The following CD83 variants were observed in gnomAD, a reference collection of about 807,000 sequenced individuals.
CD83 encodes the protein CD83 molecule, also known as CD83 antigen.
A neutral mutation model predicts 24.6 loss-of-function variants in CD83; 22 were observed. The ratio of observed to expected loss-of-function variants is 0.90; its 90% CI spans 0.64 to 1.28. The LOEUF (loss-of-function observed/expected upper bound fraction) is 1.28, where lower values mean the gene tolerates loss of function less well. Ranked by LOEUF, CD83 falls within the 50% of genes most tolerant of loss-of-function variation. The pLI is 0.00. For missense variants in CD83, 253 were observed against 252.8 expected, an observed-to-expected ratio of 1.00 and a Z score of -0.01; for synonymous variants, 101 against 103.5, an observed-to-expected ratio of 0.98 and a Z score of 0.14.
At chr6:14,131,978 G>T (rs544961888) in intron 3 of CD83, among the ~76,000 whole-genome samples, 1 of 152,308 alleles carries the variant, frequency 6.6e-6, no homozygotes, top group South Asian at 2.1e-4. Context: ...GGGTGGAAAT[G>T]ATAAAAATGT....
intron 2 of CD83, among the ~76,000 whole-genome samples, chr6:14,128,847 A>G (rs1224201082): frequency 1.3e-5 from 2 of 152,172 alleles, no homozygotes; most frequent in East Asian, 3.8e-4. Context: ...CGTCAAATAA[A>G]TTTTATTGGT....
In CD83 at chr6:14,129,230, G is replaced by C. The variant is rs142735263; in HGVS notation, c.154-2290G>C. On this transcript the variant is annotated intron_variant, in intron 2 of 4. Transcript: ENST00000379153. This position sits in a 1 kb window ranked among gnomAD's most constrained non-coding sequence, Gnocchi z 4.3. ...GAATGGGGACTGCAGGGACTGGGCC[G>C]AGCTAATTATTTCAAACTGGCCTTT... Among the ~76,000 whole-genome samples, 147 of 152,312 alleles carry C rather than the reference G, an allele frequency of 9.7e-4. No individual in the cohort carries two copies. Among genetic ancestry groups the C allele is most frequent in the African/African-American group, 3.2e-3 (131 of 41,582 alleles).
intron 2 of CD83, among the ~76,000 whole-genome samples, chr6:14,126,486 G>A (rs1759818047): frequency 6.6e-6 from 1 of 152,102 alleles, no homozygotes; most frequent in South Asian, 2.1e-4. Flanking sequence ...GGAGGGCTGG[G>A]GTTTGGTTCC....
At chr6:14,124,842 CT>C (rs1320947663) in intron 2 of CD83, among the ~76,000 whole-genome samples, 3 of 152,088 alleles carry the variant, frequency 2.0e-5, no homozygotes, top group African/African-American at 4.8e-5. Flanking sequence ...ATTTCTGATG[CT>C]TGTGATTGTG....
chr6:14,123,437 A>C (rs1361358522), intron 2 of CD83, among the ~76,000 whole-genome samples: 1 of 152,236 alleles, frequency 6.6e-6, no homozygotes, highest in African/African-American at 2.4e-5. Context: ...GGCATAATGC[A>C]AAATATGCCT....
rs1758052899 is a variant in CD83 at position 14,136,424 on chromosome 6, C to T, written c.*1188C>T. 6.6e-6 allele frequency: 1 copy of T among 152,228 alleles called. No homozygotes were observed. Among genetic ancestry groups the T allele is most frequent in the African/African-American group, 2.4e-5 (1 of 41,452 alleles). The allele number at this position is 152,228 out of a possible 1,614,324, so 9.4% of individuals were successfully genotyped here. A position where few individuals can be genotyped will look rare whatever the true frequency, so the allele number is the denominator to read the frequency against. On this transcript the variant is annotated 3_prime_UTR_variant, in exon 5 of 5. Transcript: ENST00000379153. ...GTCTGTTCTTGAAGCAGTAGCCTAA[C>T]ACACTCCAAGATATGGACACACGGG...
chr6:14,121,288 G>A (rs1759662810), intron 2 of CD83, among the ~76,000 whole-genome samples: 1 of 151,828 alleles, frequency 6.6e-6, no homozygotes, highest in African/African-American at 2.4e-5. Context: ...TCCCACCTCA[G>A]CCTCCCAAGT....
chr6:14,133,913 C>G (rs1387565262), intron 4 of CD83, among the ~76,000 whole-genome samples, 158 bp downstream of exon 4: 1 of 152,104 alleles, frequency 6.6e-6, no homozygotes, highest in South Asian at 2.1e-4. Flanking sequence ...AGAATCATTA[C>G]AGGAAGCTCC....
chr6:14,123,340 C>T (rs576604487), intron 2 of CD83, among the ~76,000 whole-genome samples: 16 of 152,220 alleles, frequency 1.1e-4, no homozygotes, highest in Admixed American at 1.0e-3. Flanking sequence ...CTCAGGTGAT[C>T]CACCTGCCTC....
chr6:14,131,120 A>G (rs1186694011), intron 2 of CD83, among the ~76,000 whole-genome samples: 1 of 152,224 alleles, frequency 6.6e-6, no homozygotes, highest in Non-Finnish European at 1.5e-5. Flanking sequence ...AAAAATAGGA[A>G]TCATTCAGTG....
upstream of CD83, chr6:14,117,509 C>G (rs1182206917): frequency 6.6e-6 from 1 of 150,748 alleles, no homozygotes; most frequent in Non-Finnish European, 1.5e-5. This position sits in a 1 kb window ranked among gnomAD's most constrained non-coding sequence, Gnocchi z 4.6. Context: ...CGCTGCCAGC[C>G]GCAGCAGCGA....
At position 14,129,033 on chromosome 6, in the gene CD83, A is replaced by G. The variant is rs1158388481; in HGVS notation, c.154-2487A>G. ...GTTTCTACCAGCTCCAGAGGGGTTCACAGTGTTGATCTTGACTTTCAGATG... is the reference window on the plus strand; with the variant it reads ...GTTTCTACCAGCTCCAGAGGGGTTCGCAGTGTTGATCTTGACTTTCAGATG... On this transcript the variant is annotated intron_variant, in intron 2 of 4. Transcript: ENST00000379153. This position sits in a 1 kb window ranked among gnomAD's most constrained non-coding sequence, Gnocchi z 4.3. 6.6e-6 allele frequency among the ~76,000 whole-genome samples: 1 copy of G among 152,198 alleles called. No homozygotes were observed.
At position 14,117,929 on chromosome 6, in the gene CD83, C is replaced by A; in HGVS notation, c.38-21C>A. ...CCTCCCGTCGGTCGCTTGCTCACGACGCGCTCTCTCTTTCTTGTAGCCTAC... is the reference window on the plus strand; with the variant it reads ...CCTCCCGTCGGTCGCTTGCTCACGAAGCGCTCTCTCTTTCTTGTAGCCTAC... On this transcript the variant is annotated intron_variant, in intron 1 of 4. Transcript: ENST00000379153. This position sits in a 1 kb window ranked among gnomAD's most constrained non-coding sequence, Gnocchi z 4.6. The A allele has an allele frequency of 6.3e-7, 1 of 1,599,406 alleles. No individual in the cohort carries two copies. The highest frequency in any genetic ancestry group is 1.3e-5 in the African/African-American group (1 of 74,776).
upstream of CD83, among the ~76,000 whole-genome samples, chr6:14,117,469 C>T (rs1324006322): frequency 2.0e-5 from 3 of 151,848 alleles, no homozygotes; most frequent in East Asian, 3.9e-4. This position sits in a 1 kb window ranked among gnomAD's most constrained non-coding sequence, Gnocchi z 4.6. Context: ...AAGCCCCCAG[C>T]GCTGGGCGTC....
chr6:14,128,994 A>G (rs1445536641), intron 2 of CD83, among the ~76,000 whole-genome samples: 2 of 152,200 alleles, frequency 1.3e-5, no homozygotes, highest in Admixed American at 1.3e-4. Context: ...ATGTAAATAG[A>G]CACAATAGTT....
At chr6:14,122,781 T>G (rs538688250) in intron 2 of CD83, among the ~76,000 whole-genome samples, 6 of 152,254 alleles carry the variant, frequency 3.9e-5, no homozygotes, top group Admixed American at 6.5e-5. Flanking sequence ...CTTTCATTGT[T>G]TAGTAGATAC....
intron 2 of CD83, among the ~76,000 whole-genome samples, chr6:14,126,281 T>TA (rs1007094303): frequency 4.6e-5 from 7 of 152,132 alleles, no homozygotes; most frequent in East Asian, 1.9e-4. Flanking sequence ...ACCTTGGTTA[T>TA]AAAAAAAAGG....
At chr6:14,117,732 G>A, upstream of CD83, 1 of 1,076,654 alleles carries the variant, frequency 9.3e-7, no homozygotes, top group Non-Finnish European at 1.2e-6. This position sits in a 1 kb window ranked among gnomAD's most constrained non-coding sequence, Gnocchi z 4.6. Flanking sequence ...GGAAGTTCCC[G>A]AACGCGCGGG....
In CD83 at chr6:14,135,141, T is replaced by C. The variant is rs1561833630; in HGVS notation, c.523T>C (p.Phe175Leu). ...FARLQSIFPD[F>L]SKAGMERAFL... ...ACGGCTACAGAGTATCTTCCCAGATTTTTCTAAAGCTGGCATGGAACGAGC... is the reference window on the plus strand; with the variant it reads ...ACGGCTACAGAGTATCTTCCCAGATCTTTCTAAAGCTGGCATGGAACGAGC... The change falls in exon 5 of 5, where the codon TTT becomes CTT. Residue 175 changes from phenylalanine (F) to leucine (L), a missense_variant. Transcript: ENST00000379153. 1.2e-6 allele frequency: 2 copies of C among 1,614,154 alleles called. No homozygotes were observed. The highest frequency in any genetic ancestry group is 3.3e-5 in the Admixed American group (2 of 60,014).
Sources: allele counts gnomAD v4.1 joint callset (sites outside exome capture counted in the v4.1 genomes callset), GRCh38; gene constraint gnomAD v4.1.1; non-coding constraint Gnocchi (gnomAD v3.1); transcripts MANE v1.5; gene names NCBI Gene and HGNC (gene_info 2026-07-23, HGNC 2026-07-21).